Variants in WDR25 observed in about 807,000 individuals in gnomAD.
WDR25 encodes WD repeat-containing protein 25.
In WDR25, 35 loss-of-function variants were observed where a neutral mutation model predicts 47.7. That is an observed-to-expected ratio of 0.73 (90% CI 0.56 to 0.97). The LOEUF (loss-of-function observed/expected upper bound fraction) is 0.97. WDR25 is among the 50% of genes least tolerant of loss of function. The probability of loss-of-function intolerance (pLI) is 0.00; values close to 1 mark genes in which losing one functional copy is unlikely to be tolerated. For missense variants in WDR25, 634 were observed against 704.7 expected (o/e 0.90, Z 1.14); for synonymous variants, 248 against 278.9 (o/e 0.89, Z 1.10).
chr14:100,397,838 G>A (rs925148131), intron 2 of WDR25, among the ~76,000 whole-genome samples: 3 of 152,216 alleles, frequency 2.0e-5, no homozygotes, highest in Admixed American at 1.3e-4. Flanking sequence ...ACAGGCTGGA[G>A]AAAACTTTTT....
intron 4 of WDR25, among the ~76,000 whole-genome samples, chr14:100,489,354 C>T (rs146154803): frequency 2.9e-4 from 44 of 152,306 alleles, no homozygotes; most frequent in Admixed American, 1.1e-3. Flanking sequence ...GCCTGTGACA[C>T]GGACTCAGCT....
intron 2 of WDR25, among the ~76,000 whole-genome samples, chr14:100,458,304 G>T (rs1174039192): frequency 6.6e-6 from 1 of 152,036 alleles, no homozygotes. Context: ...AACAACAAGG[G>T]GGTCAGTTCA....
intron 2 of WDR25, among the ~76,000 whole-genome samples, chr14:100,409,502 G>A (rs950197269): frequency 2.0e-5 from 3 of 151,862 alleles, no homozygotes; most frequent in Non-Finnish European, 4.4e-5. Context: ...AGAGCACCTG[G>A]CACTTGAAAA....
At position 100,498,110 on chromosome 14, in the gene WDR25, C is replaced by T. The variant is rs1900794602; in HGVS notation, c.1101+13986C>T. On this transcript the variant is annotated intron_variant, in intron 4 of 6. Transcript: ENST00000402312. This position sits in a 1 kb window ranked among gnomAD's most constrained non-coding sequence, Gnocchi z 4.2. ...ATTTGTGCCCCAACAAATAGATTCC[C>T]AGTTTCAGGAGTGTGTTGATGGCTG... 6.6e-6 allele frequency among the ~76,000 whole-genome samples: 1 copy of T among 152,210 alleles called. No homozygotes were observed. The highest frequency in any genetic ancestry group is 2.4e-5 in the African/African-American group (1 of 41,452).
At chr14:100,517,946 A>G (rs1901562568) in intron 4 of WDR25, among the ~76,000 whole-genome samples, 1 of 152,240 alleles carries the variant, frequency 6.6e-6, no homozygotes, top group Non-Finnish European at 1.5e-5. Flanking sequence ...GATTACATCT[A>G]CATACATTGA....
intron 4 of WDR25, among the ~76,000 whole-genome samples, chr14:100,497,450 G>T (rs779827199): frequency 6.6e-5 from 10 of 151,974 alleles, no homozygotes; most frequent in Admixed American, 2.0e-4. Flanking sequence ...GGTCAAAGCT[G>T]TTAGAAAAAA....
Position 100,525,741 on chromosome 14 carries a change from A to G in WDR25, c.1102-129A>G. 1 of 1,068,522 alleles carries G rather than the reference A, an allele frequency of 9.4e-7. No individual in the cohort carries two copies. The highest frequency in any genetic ancestry group is 1.6e-5 in the South Asian group (1 of 61,526). The allele number at this position is 1,068,522 out of a possible 1,614,324, so 66.2% of individuals were successfully genotyped here. The stretch of plus-strand genomic sequence containing the variant: ...CATATATGGCTTGTGGGTGCTGCTC[A>G]GCCTGGGTGTGTGTGGCCCAGCATA... On this transcript the variant is annotated intron_variant, in intron 4 of 6. Coordinates refer to ENST00000402312, the MANE Select transcript of WDR25 (RefSeq NM_001161476.3). The surrounding 1 kb of genome is among the most constrained non-coding windows in gnomAD (Gnocchi z 4.6).
chr14:100,454,379 G>A, intron 2 of WDR25: 1 of 1,287,206 alleles, frequency 7.8e-7, no homozygotes, highest in Non-Finnish European at 1.0e-6. Context: ...GAGGGTGGAG[G>A]TGAGGAGGTG....
chr14:100,466,162 G>C (rs539526231), intron 2 of WDR25, among the ~76,000 whole-genome samples: 2 of 152,074 alleles, frequency 1.3e-5, no homozygotes, highest in Non-Finnish European at 2.9e-5. Context: ...TGGCTGTGTC[G>C]TGTTTCTAAA....
rs148168292 is a variant in WDR25 at position 100,408,585 on chromosome 14, T to A, written c.822+26839T>A. 2.6e-3 allele frequency among the ~76,000 whole-genome samples: 387 copies of A among 148,770 alleles called. 1 individual carries two copies. Among genetic ancestry groups the A allele is most frequent in the African/African-American group, 9.1e-3 (371 of 40,588 alleles). On this transcript the variant is annotated intron_variant, in intron 2 of 6. Coordinates refer to ENST00000402312, the MANE Select transcript of WDR25 (RefSeq NM_001161476.3). ...CTGAAGGCTAGGACGAACTGTGGGG[T>A]TGTGAATATTTACGCAGGCAGGCAT...
chr14:100,470,196 CAG>C (rs1899781750), intron 3 of WDR25, among the ~76,000 whole-genome samples: 2 of 152,068 alleles, frequency 1.3e-5, no homozygotes, highest in African/African-American at 4.8e-5. Flanking sequence ...GGAACAAGGA[CAG>C]AGCTGACACA....
Position 100,392,082 on chromosome 14 carries a change from A to G in WDR25, c.822+10336A>G, listed in dbSNP as rs1328910089. Among the ~76,000 whole-genome samples the G allele has an allele frequency of 6.6e-6, 1 of 152,160 alleles. No individual in the cohort carries two copies. The highest frequency in any genetic ancestry group is 1.5e-5 in the Non-Finnish European group (1 of 68,020). ...TTTATAAGAATGTGCTATTTCTGTT[A>G]ACATGTGGGGGGTTTGTTACTGTTA... On this transcript the variant is annotated intron_variant, in intron 2 of 6. Transcript: ENST00000402312. This position sits in a 1 kb window ranked among gnomAD's most constrained non-coding sequence, Gnocchi z 4.2.
At chr14:100,447,230 C>A (rs1309254308) in intron 2 of WDR25, among the ~76,000 whole-genome samples, 1 of 152,222 alleles carries the variant, frequency 6.6e-6, no homozygotes, top group Admixed American at 6.5e-5. Flanking sequence ...CTACTGGAAG[C>A]TGTTCCATTT....
rs1436706117 is a variant in WDR25 at position 100,380,882 on chromosome 14, T to C, written c.-15-28T>C. ...CATACATATTCTTCCATGCACATTT[T>C]CTGACGGTTGACCTTGTTTGATCTT... On this transcript the variant is annotated intron_variant, in intron 1 of 6. Coordinates refer to ENST00000402312, the MANE Select transcript of WDR25 (RefSeq NM_001161476.3). 3.8e-6 allele frequency: 6 copies of C among 1,580,788 alleles called. No individual in the cohort carries two copies. The African/African-American group carries it at 6.7e-5, about 18-fold the overall frequency.
At chr14:100,471,025 G>A (rs919747897) in intron 3 of WDR25, among the ~76,000 whole-genome samples, 5 of 152,218 alleles carry the variant, frequency 3.3e-5, no homozygotes, top group Non-Finnish European at 5.9e-5. Flanking sequence ...CACCCACTGC[G>A]TGTAGGACTT....
chr14:100,450,929 C>T (rs1350737599), intron 2 of WDR25, among the ~76,000 whole-genome samples: 1 of 152,152 alleles, frequency 6.6e-6, no homozygotes, highest in African/African-American at 2.4e-5. Context: ...TGTGAAAGAG[C>T]ACCTAACAAC....
chr14:100,379,137 G>C (rs2140131782), intron 1 of WDR25, among the ~76,000 whole-genome samples: 1 of 152,294 alleles, frequency 6.6e-6, no homozygotes, highest in Non-Finnish European at 1.5e-5. Flanking sequence ...TCATGATGAT[G>C]AGCATATGTT....
intron 2 of WDR25, among the ~76,000 whole-genome samples, chr14:100,390,705 C>T (rs1485398991): frequency 6.6e-6 from 1 of 152,132 alleles, no homozygotes; most frequent in African/African-American, 2.4e-5. Flanking sequence ...TTGGTTTTCT[C>T]ACTGTCCGGC....
At chr14:100,431,265 T>C (rs1898324660) in intron 2 of WDR25, among the ~76,000 whole-genome samples, 1 of 152,240 alleles carries the variant, frequency 6.6e-6, no homozygotes, top group African/African-American at 2.4e-5. Context: ...AATTATATTT[T>C]CTAAAGGATT....
Sources: gnomAD v4.1 joint callset for allele counts (sites outside exome capture counted in the v4.1 genomes callset) on GRCh38, gnomAD v4.1.1 for gene constraint, Gnocchi (gnomAD v3.1) non-coding constraint, MANE v1.5 for transcripts, NCBI Gene and HGNC (gene_info 2026-07-23, HGNC 2026-07-21) for gene names.